CEP170: variants seen among roughly 807,000 people sequenced by gnomAD.
The protein encoded by CEP170 is centrosomal protein of 170 kDa.
CEP170 carries 21 observed loss-of-function variants against 151.9 expected under a neutral mutation model. The observed-to-expected ratio is 0.14, with a 90% CI of 0.10 to 0.20. The LOEUF (loss-of-function observed/expected upper bound fraction) is 0.20, where lower values mean the gene tolerates loss of function less well. Among genes scored for constraint, CEP170 ranks in the 10% least tolerant of loss-of-function variants. CEP170 has a pLI of 1.00. For synonymous variants in CEP170, 356 were observed against 648.8 expected (o/e 0.55, Z 6.86); for missense variants, 964 against 1,892.9 (o/e 0.51, Z 9.11).
chr1:243,212,727 G>A (rs1271570184), intron 3 of CEP170, among the ~76,000 whole-genome samples: 3 of 151,644 alleles, frequency 2.0e-5, no homozygotes, highest in Admixed American at 6.6e-5. Flanking sequence ...GCGGTGGTGC[G>A]ATCATGGTGC....
At chr1:243,192,148 C>T (rs2060344814) in intron 7 of CEP170, among the ~76,000 whole-genome samples, 2 of 152,088 alleles carry the variant, frequency 1.3e-5, no homozygotes, top group South Asian at 4.2e-4. Context: ...GGTTTGCAAT[C>T]CAAGCAGCAG....
At position 243,210,608 on chromosome 1, in the gene CEP170, A is replaced by ATTTTTTTTTTTTTTTTTTT. The variant is rs751388751; in HGVS notation, c.274+1259_274+1277dup. 1.8e-4 allele frequency among the ~76,000 whole-genome samples: 12 copies of ATTTTTTTTTTTTTTTTTTT among 67,958 alleles called. 2 individuals carry two copies. Among genetic ancestry groups the ATTTTTTTTTTTTTTTTTTT allele is most frequent in the Non-Finnish European group, 3.0e-4 (12 of 39,376 alleles). The allele number at this position is 67,958 out of a possible 152,430, so 44.6% of individuals were successfully genotyped here. ...AAAAATTGTAATATTATTTTTCGTA[A>ATTTTTTTTTTTTTTTTTTT]TTTTTTTTTTTTTTTTTTTTTTTTT... is the stretch of plus-strand genomic sequence containing the variant. On this transcript the variant is annotated intron_variant, in intron 4 of 19. Coordinates refer to ENST00000366542, the MANE Select transcript of CEP170 (RefSeq NM_014812.3).
intron 19 of CEP170, 101 bp downstream of exon 19, chr1:243,128,148 T>C (rs2148147564): frequency 1.9e-6 from 2 of 1,073,466 alleles, no homozygotes; most frequent in Non-Finnish European, 2.6e-6. Flanking sequence ...TGTCATTACA[T>C]TTAATCAAAT....
intron 19 of CEP170, among the ~76,000 whole-genome samples, chr1:243,127,674 T>C (rs1039641040): frequency 6.6e-6 from 1 of 152,228 alleles, no homozygotes; most frequent in Non-Finnish European, 1.5e-5. Flanking sequence ...CAGTTGACTA[T>C]GGAACCTGCC....
At chr1:243,127,087 A>C (rs1398727900) in intron 19 of CEP170, among the ~76,000 whole-genome samples, 1 of 152,206 alleles carries the variant, frequency 6.6e-6, no homozygotes, top group Non-Finnish European at 1.5e-5. Context: ...ATAAACATCT[A>C]AACCCACATC....
At chr1:243,207,054 G>C (rs2061469487) in intron 4 of CEP170, among the ~76,000 whole-genome samples, 2 of 152,138 alleles carry the variant, frequency 1.3e-5, no homozygotes, top group African/African-American at 4.8e-5. Context: ...CAAATTTCAA[G>C]ATGATAGATT....
chr1:243,205,467 T>A (rs1346830288), intron 4 of CEP170, among the ~76,000 whole-genome samples: 2 of 152,204 alleles, frequency 1.3e-5, no homozygotes, highest in Non-Finnish European at 2.9e-5. Context: ...CAGAAATATG[T>A]TAATAGATTG....
intron 13 of CEP170, among the ~76,000 whole-genome samples, chr1:243,157,469 C>T (rs1331902784): frequency 6.6e-6 from 1 of 152,124 alleles, no homozygotes; most frequent in Non-Finnish European, 1.5e-5. Flanking sequence ...ATACCTAGCA[C>T]TTAGCTGAGT....
chr1:243,143,703 A>T (rs1278707026), intron 14 of CEP170, among the ~76,000 whole-genome samples: 14 of 151,444 alleles, frequency 9.2e-5, no homozygotes, highest in Non-Finnish European at 1.6e-4. Context: ...CAACTTCAAA[A>T]TCCAAAGGAA....
intron 16 of CEP170, among the ~76,000 whole-genome samples, chr1:243,136,470 C>A (rs986932776): frequency 6.6e-6 from 1 of 152,186 alleles, no homozygotes; most frequent in Non-Finnish European, 1.5e-5. Context: ...TTATTTTGGT[C>A]ATATCAGTTT....
chr1:243,245,734 C>T (rs935825785), intron 1 of CEP170, among the ~76,000 whole-genome samples: 1 of 148,044 alleles, frequency 6.8e-6, no homozygotes, highest in Non-Finnish European at 1.5e-5. Context: ...AACAAACAAA[C>T]AAAAAACAAA....
At chr1:243,215,900 T>G (rs1172127378) in intron 3 of CEP170, among the ~76,000 whole-genome samples, 1 of 152,052 alleles carries the variant, frequency 6.6e-6, no homozygotes, top group Non-Finnish European at 1.5e-5. Context: ...TTAAAATTTC[T>G]CTCTTTTGTA....
In CEP170 at chr1:243,186,326, C is replaced by A. The variant is rs753195809; in HGVS notation, c.1205G>T (p.Arg402Leu). Residue 402 changes from arginine to leucine, a missense_variant, in exon 9 of 20, where the codon CGC becomes CTC. Arg to Leu is a moderately radical substitution (Grantham distance 102). Coordinates refer to ENST00000366542, the MANE Select transcript of CEP170 (RefSeq NM_014812.3). The part of the protein sequence containing the change: ...KRATLEEHLR[R>L]HHSEHKKLQK... ...TAGCTTTTTGTGTTCTGAATGGTGGCGTCTTAAGTGTTCCTCAAGAGTTGC... is the reference window on the plus strand; with the variant it reads ...TAGCTTTTTGTGTTCTGAATGGTGGAGTCTTAAGTGTTCCTCAAGAGTTGC... 2 of 1,613,698 alleles carry A rather than the reference C, an allele frequency of 1.2e-6. No homozygotes were observed. The highest frequency in any genetic ancestry group is 3.3e-5 in the Admixed American group (2 of 59,998).
At chr1:243,135,212 T>C (rs1428550457) in intron 17 of CEP170, among the ~76,000 whole-genome samples, 3 of 152,080 alleles carry the variant, frequency 2.0e-5, no homozygotes, top group Non-Finnish European at 4.4e-5. Flanking sequence ...AATTATTATT[T>C]ATTTATTTAT....
At chr1:243,250,020 G>A (rs1192104548) in intron 1 of CEP170, among the ~76,000 whole-genome samples, 1 of 152,148 alleles carries the variant, frequency 6.6e-6, no homozygotes, top group Non-Finnish European at 1.5e-5. Flanking sequence ...GTAGTAAGCC[G>A]AGACTGAGCC....
intron 1 of CEP170, among the ~76,000 whole-genome samples, chr1:243,246,490 C>T (rs1348879053): frequency 6.6e-6 from 1 of 152,072 alleles, no homozygotes; most frequent in Non-Finnish European, 1.5e-5. Flanking sequence ...CTTCGGCCTC[C>T]CAAAGTGCTG....
intron 1 of CEP170, among the ~76,000 whole-genome samples, chr1:243,251,164 T>TTTA (rs1263275240): frequency 6.6e-6 from 1 of 152,186 alleles, no homozygotes; most frequent in Non-Finnish European, 1.5e-5. Flanking sequence ...AGTGAGATCT[T>TTTA]CCTATTACAC....
chr1:243,175,719 G>A (rs2059184996), intron 10 of CEP170, among the ~76,000 whole-genome samples: 2 of 152,118 alleles, frequency 1.3e-5, no homozygotes, highest in East Asian at 1.9e-4. Flanking sequence ...CTAGGAACAT[G>A]CAAGGCTTCA....
intron 14 of CEP170, among the ~76,000 whole-genome samples, chr1:243,146,886 T>C (rs1373107499): frequency 2.7e-5 from 4 of 150,650 alleles, no homozygotes; most frequent in African/African-American, 9.7e-5. Flanking sequence ...CAAAAAGTTC[T>C]AGATGTTCCC....
Sources: allele counts gnomAD v4.1 joint callset (sites outside exome capture counted in the v4.1 genomes callset), GRCh38; gene constraint gnomAD v4.1.1; transcripts MANE v1.5; gene names NCBI Gene and HGNC (gene_info 2026-07-23, HGNC 2026-07-21).